ATP7B: variants seen among roughly 807,000 people sequenced by gnomAD.
The protein encoded by ATP7B is copper-transporting ATPase 2.
ATP7B carries 113 observed loss-of-function variants against 118.9 expected under a neutral mutation model. The ratio of observed to expected loss-of-function variants is 0.95; its 90% CI spans 0.82 to 1.11. ATP7B has a LOEUF of 1.11. ATP7B is among the 50% of genes most tolerant of loss of function. The pLI, the probability that ATP7B is intolerant of heterozygous loss-of-function variation, is 0.00. For missense variants in ATP7B, 1,867 were observed against 1,871.4 expected (o/e 1.00, Z 0.04); for synonymous variants, 777 against 727.4 (o/e 1.07, Z -1.10).
chr13:52,003,183 G>A (rs1043123492), intron 1 of ATP7B, among the ~76,000 whole-genome samples: 4 of 152,218 alleles, frequency 2.6e-5, no homozygotes, highest in Non-Finnish European at 5.9e-5. Context: ...CTAGGTTTCA[G>A]CCTATCTCAG....
intron 1 of ATP7B, among the ~76,000 whole-genome samples, chr13:51,983,890 A>G (rs764604178): frequency 4.6e-5 from 7 of 152,196 alleles, no homozygotes; most frequent in African/African-American, 7.2e-5. Flanking sequence ...ACGTCCACTC[A>G]GAAACGCCAT....
chr13:51,975,774 T>C (rs1952083183), intron 1 of ATP7B, among the ~76,000 whole-genome samples: 1 of 152,120 alleles, frequency 6.6e-6, no homozygotes, highest in Non-Finnish European at 1.5e-5. Context: ...AATCCAAAGG[T>C]GGGCCACATG....
chr13:51,950,236 T>C (rs199908068), intron 10 of ATP7B, 36 bp downstream of exon 10: 1 of 1,614,198 alleles, frequency 6.2e-7, no homozygotes, highest in Non-Finnish European at 8.5e-7. Context: ...GCTGCTATGA[T>C]ATCCTCCTGA....
Position 51,974,543 on chromosome 13 carries a change from C to T in ATP7B, c.677G>A (p.Arg226Gln), listed in dbSNP as rs201522558. 34 of 1,614,092 alleles carry T rather than the reference C, an allele frequency of 2.1e-5. No homozygotes were observed. Among genetic ancestry groups the T allele is most frequent in the Middle Eastern group, 1.6e-4 (1 of 6,062 alleles). ...PLSLGPIDIE[R>Q]LQSTNPKRPL... ...TCTCTTTGGGTTAGTGCTTTGTAACCGCTCAATATCAATTGGTCCCAGGCT... is the reference window on the plus strand; with the variant it reads ...TCTCTTTGGGTTAGTGCTTTGTAACTGCTCAATATCAATTGGTCCCAGGCT... Residue 226 changes from arginine (R) to glutamine (Q), a missense_variant, in exon 2 of 21, where the codon CGG becomes CAG. Transcript: ENST00000242839.
At chr13:51,990,624 C>G (rs9568682) in intron 1 of ATP7B, among the ~76,000 whole-genome samples, 92,184 of 152,176 alleles carry the variant, frequency 0.61, 29,307 homozygotes, top group Non-Finnish European at 0.71. Flanking sequence ...GAATCCACTT[C>G]AAATGGTCTC....
chr13:51,946,565 G>A (rs2139068393), intron 12 of ATP7B, 87 bp from the exon 13 acceptor site: 2 of 1,490,126 alleles, frequency 1.3e-6, no homozygotes, highest in Non-Finnish European at 1.9e-6. Context: ...TTTCAGGGGG[G>A]CACTGGACAC....
rs1179328582 is a variant in ATP7B, at chr13:51,932,860, G to C, written c.*1896C>G. 1 of 151,990 alleles carries C rather than the reference G, an allele frequency of 6.6e-6. No homozygotes were observed. The highest frequency in any genetic ancestry group is 2.4e-5 in the African/African-American group (1 of 41,360). 9.4% of individuals were successfully genotyped at this position (151,990 alleles called of 1,614,324 possible). A position where few individuals can be genotyped will look rare whatever the true frequency, so the allele number is the denominator to read the frequency against. ...GTCCTAAAAGTTTTAAAAATCAACA[G>C]AATTAGATTCTTTAGATAATGATCA... is the stretch of plus-strand genomic sequence containing the variant. On this transcript the variant is annotated 3_prime_UTR_variant, in exon 21 of 21. Transcript: ENST00000242839.
Position 51,937,652 on chromosome 13 carries a change from C to A in ATP7B, c.3727G>T (p.Val1243Leu), listed in dbSNP as rs1277243795. The A allele has an allele frequency of 3.7e-6, 6 of 1,614,158 alleles. No homozygotes were observed. The South Asian group carries it at 4.4e-5, about 12-fold the overall frequency. ...QVGINKVFAE[V>L]LPSHKVAKVQ... ...TTGGCCACCTTGTGCGAAGGCAGCA[C>A]CTCTGCAAAGACTTTGTTGATGCCA... is the stretch of plus-strand genomic sequence containing the variant. The change falls in exon 18 of 21, where the codon GTG becomes TTG. Residue 1243 changes from valine (V) to leucine (L), a missense_variant. Transcript: ENST00000242839.
At position 52,011,221 on chromosome 13, in the gene ATP7B, C is replaced by T. The variant is rs1352839429; in HGVS notation, c.51+66G>A. On this transcript the variant is annotated intron_variant, in intron 1 of 20. Transcript: ENST00000242839. ...CCCCTGGGGGCGAGTAAGCGCCGAA[C>T]GCGGGGAGGAAAATCCTCCTGGTGG... The T allele has an allele frequency of 1.1e-5, 17 of 1,613,198 alleles. No homozygotes were observed. In the East Asian group the frequency reaches 3.3e-4, roughly 32 times the overall value.
At chr13:51,989,229 A>G (rs544758642) in intron 1 of ATP7B, among the ~76,000 whole-genome samples, 12 of 152,288 alleles carry the variant, frequency 7.9e-5, no homozygotes, top group African/African-American at 2.4e-4. Context: ...TATTCCCCCA[A>G]GCCCTTCACT....
chr13:51,970,576 G>T lies in ATP7B; in HGVS notation c.1459C>A (p.Pro487Thr), dbSNP rs1339278955. 1.2e-6 allele frequency: 2 copies of T among 1,614,018 alleles called. No homozygotes were observed. Among genetic ancestry groups the T allele is most frequent in the African/African-American group, 2.7e-5 (2 of 74,892 alleles). ...TTGATCTGTAAGAAGCACTTCTGCG[G>T]TGCCACTGCTCTGGTTGATTGTGGG... is the stretch of plus-strand genomic sequence containing the variant. The part of the protein sequence containing the change: ...KSPQSTRAVA[P>T]QKCFLQIKGM... Residue 487 changes from proline (P) to threonine (T), a missense_variant, in exon 3 of 21, where the codon CCG becomes ACG. Pro to Thr is a conservative substitution (Grantham distance 38). Coordinates refer to ENST00000242839, the MANE Select transcript of ATP7B (RefSeq NM_000053.4).
rs529527733 is a variant in ATP7B, at chr13:51,970,634, A to C, written c.1401T>G (p.Pro467=). The C allele has an allele frequency of 6.3e-5, 101 of 1,614,180 alleles. No individual in the cohort carries two copies. In the South Asian group the frequency reaches 1.1e-3, roughly 17 times the overall value. ...QEVAPHTGRL[P]ANHAPDILAK... is the part of the protein sequence containing the mutation. ...CCAAGATGTCCGGGGCATGGTTTGC[A>C]GGGAGCCTCCCAGTGTGGGGAGCCA... The change falls in exon 3 of 21, where the codon CCT becomes CCG. Residue 467 remains proline, a synonymous_variant. Transcript: ENST00000242839.
intron 3 of ATP7B, among the ~76,000 whole-genome samples, chr13:51,969,504 T>C (rs1593771012): frequency 6.6e-6 from 1 of 152,202 alleles, no homozygotes; most frequent in Non-Finnish European, 1.5e-5. Flanking sequence ...CAAAAGTGGT[T>C]TTCCTTACTC....
intron 1 of ATP7B, among the ~76,000 whole-genome samples, chr13:52,009,889 G>A (rs1296098012): frequency 6.6e-6 from 1 of 152,112 alleles, no homozygotes; most frequent in Non-Finnish European, 1.5e-5. Context: ...ACATCAAAGG[G>A]TTTTTGTGAG....
rs377294197 is a variant in ATP7B at position 51,974,227 on chromosome 13, G to A, written c.993C>T (p.Ala331=). The A allele has an allele frequency of 2.1e-5, 34 of 1,613,990 alleles. No individual in the cohort carries two copies. In the African/African-American group the frequency reaches 2.3e-4, roughly 11 times the overall value. Residue 331 remains alanine (A), a synonymous_variant, in exon 2 of 21, where the codon GCC becomes GCT. Transcript: ENST00000242839. ...GNFKVSLPDG[A]EGSGTDHRSS... ...ACCTGTGATCTGTCCCACTCCCTTC[G>A]GCTCCATCAGGAAGAGAAACTTTAA...
chr13:51,946,559 A>C, intron 12 of ATP7B, 81 bp from the exon 13 acceptor site: 15 of 1,516,424 alleles, frequency 9.9e-6, no homozygotes, highest in Non-Finnish European at 1.3e-5. Context: ...AGGACATTTC[A>C]GGGGGGCACT....
At chr13:51,991,981 C>T (rs1952939694) in intron 1 of ATP7B, among the ~76,000 whole-genome samples, 1 of 152,148 alleles carries the variant, frequency 6.6e-6, no homozygotes, top group South Asian at 2.1e-4. Context: ...GCCCTCCAGA[C>T]TCTGAGCTTT....
chr13:51,978,275 AAAAAAG>A (rs1379539547), intron 1 of ATP7B, among the ~76,000 whole-genome samples: 1 of 152,220 alleles, frequency 6.6e-6, no homozygotes, highest in African/African-American at 2.4e-5. Flanking sequence ...GAGTTCCTCC[AAAAAAG>A]AAAAAGGCCA....
chr13:51,934,942 T>A lies in ATP7B; in HGVS notation c.4212A>T (p.Ile1404=). The change falls in exon 21 of 21, where the codon ATA becomes ATT. Residue 1404 remains isoleucine (I), a synonymous_variant. Coordinates refer to ENST00000242839, the MANE Select transcript of ATP7B (RefSeq NM_000053.4). ...AGTCCCGCCACCTGTCATCCATGCC[T>A]ATGTGCACACTGACCTGGGATGCCG... The part of the protein sequence containing the change: ...PLTASQVSVH[I]GMDDRWRDSP... 6.2e-7 allele frequency: 1 copy of A among 1,614,108 alleles called. No homozygotes were observed. Among genetic ancestry groups the A allele is most frequent in the Non-Finnish European group, 8.5e-7 (1 of 1,180,034 alleles).
Sources: allele counts gnomAD v4.1 joint callset (sites outside exome capture counted in the v4.1 genomes callset), GRCh38; gene constraint gnomAD v4.1.1; transcripts MANE v1.5; gene names NCBI Gene and HGNC (gene_info 2026-07-23, HGNC 2026-07-21).